Variants in PRKD1 observed in about 807,000 individuals in gnomAD.
PRKD1 encodes serine/threonine-protein kinase D1.
Under a neutral mutation model 95.9 loss-of-function variants are expected in PRKD1, and 63 were observed. The ratio of observed to expected loss-of-function variants is 0.66; its 90% CI spans 0.54 to 0.81. The LOEUF (loss-of-function observed/expected upper bound fraction) is 0.81. PRKD1 is among the 30% of genes least tolerant of loss of function. The pLI, the probability that PRKD1 is intolerant of heterozygous loss-of-function variation, is 0.00. For synonymous variants in PRKD1, 425 were observed against 423.1 expected (o/e 1.00, Z -0.05); for missense variants, 1,048 against 1,165.3 (o/e 0.90, Z 1.47).
intron 1 of PRKD1, among the ~76,000 whole-genome samples, chr14:29,806,296 A>G (rs1398495355): frequency 6.6e-6 from 1 of 152,210 alleles, no homozygotes; most frequent in African/African-American, 2.4e-5. Flanking sequence ...CAACTTTGTG[A>G]AAGTGAGTAA....
At chr14:29,842,271 T>C (rs1345830714) in intron 1 of PRKD1, among the ~76,000 whole-genome samples, 10 of 152,222 alleles carry the variant, frequency 6.6e-5, no homozygotes, top group Non-Finnish European at 4.4e-5. Context: ...ATCAGCAATA[T>C]ACTAGTTTAT....
chr14:29,780,013 A>T (rs1396287643), intron 1 of PRKD1, among the ~76,000 whole-genome samples: 1 of 152,204 alleles, frequency 6.6e-6, no homozygotes, highest in Non-Finnish European at 1.5e-5. Flanking sequence ...TCTTTGACAA[A>T]CCTGACAAAA....
intron 1 of PRKD1, among the ~76,000 whole-genome samples, chr14:29,873,486 CAA>C (rs11297410): frequency 1.3e-4 from 19 of 150,870 alleles, no homozygotes; most frequent in South Asian, 2.1e-4. Context: ...GTTACTGATA[CAA>C]AAAAAAAAAG....
At chr14:29,825,746 A>G (rs1044219891) in intron 1 of PRKD1, among the ~76,000 whole-genome samples, 30 of 152,190 alleles carry the variant, frequency 2.0e-4, no homozygotes, top group Admixed American at 1.1e-3. Context: ...GTGGTTTTTG[A>G]AAGATATTTT....
chr14:29,856,376 T>C (rs866935039), intron 1 of PRKD1, among the ~76,000 whole-genome samples: 1 of 152,106 alleles, frequency 6.6e-6, no homozygotes, highest in South Asian at 2.1e-4. Context: ...GAATAACTGA[T>C]TGTACAACCA....
intron 2 of PRKD1, among the ~76,000 whole-genome samples, chr14:29,696,269 T>C (rs1009094194): frequency 2.0e-5 from 3 of 152,190 alleles, no homozygotes; most frequent in African/African-American, 7.2e-5. Flanking sequence ...TGTGCATATG[T>C]ACTAAGTTTT....
intron 2 of PRKD1, among the ~76,000 whole-genome samples, chr14:29,723,553 C>T (rs1886001692): frequency 6.6e-6 from 1 of 152,018 alleles, no homozygotes; most frequent in Admixed American, 6.6e-5. Flanking sequence ...CTATTGTAAA[C>T]ATAAACATTT....
chr14:29,807,768 T>C (rs775298320), intron 1 of PRKD1, among the ~76,000 whole-genome samples: 3 of 151,740 alleles, frequency 2.0e-5, no homozygotes, highest in Non-Finnish European at 4.4e-5. Flanking sequence ...TCTCCCAGGC[T>C]GGAATGCTGT....
At chr14:29,877,176 A>G (rs1893330743) in intron 1 of PRKD1, among the ~76,000 whole-genome samples, 1 of 152,154 alleles carries the variant, frequency 6.6e-6, no homozygotes, top group Non-Finnish European at 1.5e-5. Flanking sequence ...AAGAAGAAGA[A>G]GTAGGTACAC....
At chr14:29,914,502 C>T (rs922417450) in intron 1 of PRKD1, among the ~76,000 whole-genome samples, 4 of 152,196 alleles carry the variant, frequency 2.6e-5, no homozygotes, top group African/African-American at 9.6e-5. Context: ...CGCCTGTAAT[C>T]TCAGCACTTT....
intron 1 of PRKD1, among the ~76,000 whole-genome samples, chr14:29,914,515 G>C (rs971265799): frequency 1.3e-5 from 2 of 152,178 alleles, no homozygotes; most frequent in African/African-American, 4.8e-5. Context: ...AGCACTTTGA[G>C]AGGCCAAGGC....
intron 2 of PRKD1, among the ~76,000 whole-genome samples, chr14:29,698,806 T>A (rs1884671581): frequency 6.6e-6 from 1 of 152,054 alleles, no homozygotes. Flanking sequence ...AGGATCCTAT[T>A]TAAAATTACA....
intron 1 of PRKD1, among the ~76,000 whole-genome samples, chr14:29,781,071 T>G (rs550753711): frequency 1.4e-5 from 2 of 138,300 alleles, no homozygotes; most frequent in South Asian, 4.5e-4. Flanking sequence ...TTCTCACTCA[T>G]AGGTGGGAAT....
At chr14:29,746,902 T>C (rs1887249990) in intron 1 of PRKD1, among the ~76,000 whole-genome samples, 1 of 152,208 alleles carries the variant, frequency 6.6e-6, no homozygotes, top group Non-Finnish European at 1.5e-5. Flanking sequence ...AATATTAATA[T>C]ATTTTATTAA....
chr14:29,847,144 G>A (rs1212313755), intron 1 of PRKD1, among the ~76,000 whole-genome samples: 1 of 152,106 alleles, frequency 6.6e-6, no homozygotes, highest in African/African-American at 2.4e-5. Flanking sequence ...GCATGAATGT[G>A]CCAGGCAAAT....
intron 1 of PRKD1, among the ~76,000 whole-genome samples, chr14:29,924,760 C>T (rs1566674700): frequency 6.7e-6 from 1 of 150,308 alleles, no homozygotes; most frequent in African/African-American, 2.4e-5. Flanking sequence ...AAGGTACTTC[C>T]AAAAAAAAAC....
At chr14:29,664,820 A>G (rs1882393485) in intron 3 of PRKD1, among the ~76,000 whole-genome samples, 1 of 152,236 alleles carries the variant, frequency 6.6e-6, no homozygotes, top group Non-Finnish European at 1.5e-5. Context: ...TGATAAAATT[A>G]TGTTGTTGGT....
At chr14:29,671,330 G>A (rs914882956) in intron 2 of PRKD1, among the ~76,000 whole-genome samples, 7 of 152,082 alleles carry the variant, frequency 4.6e-5, no homozygotes, top group African/African-American at 1.4e-4. Context: ...ACAGCAGAAG[G>A]ACCAGCACAG....
chr14:29,912,020 C>G (rs1225768012), intron 1 of PRKD1, among the ~76,000 whole-genome samples: 1 of 152,138 alleles, frequency 6.6e-6, no homozygotes, highest in Non-Finnish European at 1.5e-5. Context: ...CTTCCATCTG[C>G]AAAGTCAGCA....
Sources: gnomAD v4.1 joint callset for allele counts (sites outside exome capture counted in the v4.1 genomes callset) on GRCh38, gnomAD v4.1.1 for gene constraint, MANE v1.5 for transcripts, NCBI Gene and HGNC (gene_info 2026-07-23, HGNC 2026-07-21) for gene names.